Variants in OR1L8 observed in about 807,000 individuals in gnomAD.
OR1L8 encodes the protein olfactory receptor family 1 subfamily L member 8.
For missense variants in OR1L8, 330 were observed against 377.4 expected, an observed-to-expected ratio of 0.87 and a Z score of 1.04; for synonymous variants, 148 against 147.0, an observed-to-expected ratio of 1.01 and a Z score of -0.05.
At chr9:122,565,253 C>A (rs1332967560), downstream of OR1L8, among the ~76,000 whole-genome samples, 2 of 152,156 alleles carry the variant, frequency 1.3e-5, no homozygotes, top group Non-Finnish European at 2.9e-5. Flanking sequence ...TGGGGAAGAG[C>A]AATGTGAATA....
At chr9:122,583,166 T>C (rs1374439948) in intron 1 of OR1L8, among the ~76,000 whole-genome samples, 155 bp downstream of exon 1, 2 of 151,774 alleles carry the variant, frequency 1.3e-5, no homozygotes, top group Non-Finnish European at 2.9e-5. Flanking sequence ...GAGTAAACAA[T>C]AAATGGATAC....
At chr9:122,563,721 TTGTCTAG>T (rs894146360), downstream of OR1L8, among the ~76,000 whole-genome samples, 64 of 152,344 alleles carry the variant, frequency 4.2e-4, no homozygotes, top group African/African-American at 1.5e-3. Context: ...CCCTATGGCT[TTGTCTAG>T]TATTTTCATA....
chr9:122,568,146 C>T lies in OR1L8; in HGVS notation c.332G>A (p.Ser111Asn), dbSNP rs768753384. Residue 111 changes from serine to asparagine, a missense_variant, in exon 5 of 5, where the codon AGT becomes AAT. By Grantham distance (46) the Ser-to-Asn change is conservative (BLOSUM62 1). Transcript: ENST00000641027. ...CATGACTGCCAGAAGGCAGCTGTCA[C>T]TGTTGCCCAAGGCATAGAGAAAATA... is the stretch of plus-strand genomic sequence containing the variant. ...QMYFLYALGNSDSCLLAVMAF... is the reference protein window; with the variant it reads ...QMYFLYALGNNDSCLLAVMAF... 1.2e-6 allele frequency: 2 copies of T among 1,614,152 alleles called. No homozygotes were observed. The highest frequency in any genetic ancestry group is 1.3e-5 in the African/African-American group (1 of 75,040).
At chr9:122,553,606 C>A in the OR1L8 span, 1 of 1,613,980 alleles carries the variant, frequency 6.2e-7, no homozygotes, top group Non-Finnish European at 8.5e-7. Context: ...ATCTGCCAAC[C>A]ACTCCATTAC....
chr9:122,563,414 GA>G (rs1295655169), downstream of OR1L8, among the ~76,000 whole-genome samples: 1 of 152,086 alleles, frequency 6.6e-6, no homozygotes, highest in Non-Finnish European at 1.5e-5. Context: ...CTTCTTTTAA[GA>G]AATATCTATT....
the OR1L8 span, among the ~76,000 whole-genome samples, chr9:122,557,969 A>G: frequency 6.6e-6 from 1 of 151,934 alleles, no homozygotes; most frequent in Non-Finnish European, 1.5e-5. Flanking sequence ...GGTCCATTTC[A>G]TTTAAGTTAT....
At chr9:122,571,787 C>T (rs1829557235) in intron 4 of OR1L8, among the ~76,000 whole-genome samples, 1 of 151,572 alleles carries the variant, frequency 6.6e-6, no homozygotes, top group East Asian at 1.9e-4. Flanking sequence ...GTGCAGTGGA[C>T]AGTGCCTTGG....
downstream of OR1L8, among the ~76,000 whole-genome samples, chr9:122,562,481 G>A (rs897820265): frequency 6.6e-6 from 1 of 152,204 alleles, no homozygotes; most frequent in East Asian, 1.9e-4. Flanking sequence ...CTGATCTGTG[G>A]GTTGCACAGT....
At chr9:122,549,681 G>C in the OR1L8 span, among the ~76,000 whole-genome samples, 1 of 152,098 alleles carries the variant, frequency 6.6e-6, no homozygotes, top group East Asian at 1.9e-4. Flanking sequence ...TAAGTATGTG[G>C]CTTTATTTCC....
At chr9:122,554,999 T>C in the OR1L8 span, among the ~76,000 whole-genome samples, 1 of 152,076 alleles carries the variant, frequency 6.6e-6, no homozygotes, top group African/African-American at 2.4e-5. Flanking sequence ...ACTGATATTA[T>C]GAGAAGTCAC....
the OR1L8 span, among the ~76,000 whole-genome samples, chr9:122,558,310 G>GTTTTTTT: frequency 4.1e-5 from 1 of 24,212 alleles, no homozygotes. Context: ...TTTGGATTTT[G>GTTTTTTT]CTTTTTTTTT....
the OR1L8 span, among the ~76,000 whole-genome samples, chr9:122,552,071 T>TCA: frequency 5.6e-4 from 66 of 117,080 alleles, no homozygotes; most frequent in African/African-American, 8.5e-4. Flanking sequence ...TCTCTCTCTC[T>TCA]CTCTCTCTCA....
At chr9:122,555,097 T>C in the OR1L8 span, among the ~76,000 whole-genome samples, 1 of 152,144 alleles carries the variant, frequency 6.6e-6, no homozygotes, top group Admixed American at 6.5e-5. Context: ...CATGTAGATA[T>C]TTTTCAAAAA....
At chr9:122,562,398 G>A (rs1270572790), downstream of OR1L8, among the ~76,000 whole-genome samples, 1 of 152,250 alleles carries the variant, frequency 6.6e-6, no homozygotes, top group Non-Finnish European at 1.5e-5. Context: ...TAGCTGAGTG[G>A]CTATTGAGAA....
intron 3 of OR1L8, among the ~76,000 whole-genome samples, chr9:122,576,222 C>CT (rs534911390): frequency 0.049 from 7,437 of 151,404 alleles, 282 homozygotes; most frequent in South Asian, 0.16. Context: ...TTCTTTTTTA[C>CT]ATTTTTTTTT....
At chr9:122,581,926 AATAAAT>A (rs1283727264) in intron 1 of OR1L8, among the ~76,000 whole-genome samples, 1 of 152,156 alleles carries the variant, frequency 6.6e-6, no homozygotes, top group Non-Finnish European at 1.5e-5. Context: ...TAAATAAATA[AATAAAT>A]GAATAAATAA....
the OR1L8 span, among the ~76,000 whole-genome samples, chr9:122,547,136 A>T: frequency 2.0e-5 from 3 of 152,064 alleles, no homozygotes; most frequent in African/African-American, 4.8e-5. Flanking sequence ...ATAATAATTT[A>T]AAAAATACAT....
rs1204232622 is a variant in OR1L8, at chr9:122,568,045, G to C, written c.433C>G (p.Leu145Val). The change falls in exon 5 of 5, where the codon CTG becomes GTG. Residue 145 changes from leucine to valine, a missense_variant. Leu to Val is a conservative substitution (Grantham distance 32). Transcript: ENST00000641027. ...TTMSHHHCVL[L>V]VAFSCSFPHL... is the part of the protein sequence containing the mutation. ...GGAAATGAGCAGGAGAAGGCCACCA[G>C]CAGGACACAGTGGTGGTGGCTCATG... is the stretch of plus-strand genomic sequence containing the variant. 6.2e-7 allele frequency: 1 copy of C among 1,613,942 alleles called. No individual in the cohort carries two copies. The highest frequency in any genetic ancestry group is 1.6e-4 in the Middle Eastern group (1 of 6,062).
chr9:122,578,807 A>G (rs1829700100), intron 1 of OR1L8, among the ~76,000 whole-genome samples: 1 of 152,134 alleles, frequency 6.6e-6, no homozygotes, highest in South Asian at 2.1e-4. Context: ...GACTCGGGAA[A>G]GGGTAGGAGA....
Sources: allele counts gnomAD v4.1 joint callset (sites outside exome capture counted in the v4.1 genomes callset), GRCh38; gene constraint gnomAD v4.1.1; transcripts MANE v1.5; gene names NCBI Gene and HGNC (gene_info 2026-07-23, HGNC 2026-07-21).